Variants in SGMS1 observed in about 807,000 individuals in gnomAD.
SGMS1 encodes the protein sphingomyelin synthase 1, also known as phosphatidylcholine:ceramide cholinephosphotransferase 1.
A neutral mutation model predicts 46.2 loss-of-function variants in SGMS1; 13 were observed. The observed-to-expected ratio is 0.28, with a 90% CI of 0.18 to 0.45. The LOEUF is 0.45. Ranked by LOEUF, SGMS1 falls within the 20% of genes least tolerant of loss-of-function variation. SGMS1 has a pLI of 1.00. For synonymous variants in SGMS1, 203 were observed against 187.8 expected, an observed-to-expected ratio of 1.08 and a Z score of -0.66; for missense variants, 324 against 519.9, an observed-to-expected ratio of 0.62 and a Z score of 3.66.
chr10:50,545,898 A>C (rs1838097080), intron 2 of SGMS1, among the ~76,000 whole-genome samples: 1 of 152,206 alleles, frequency 6.6e-6, no homozygotes, highest in Non-Finnish European at 1.5e-5. Flanking sequence ...GGTCATAATA[A>C]ATGATTATAT....
At chr10:50,311,112 C>G in intron 9 of SGMS1, 150 bp downstream of exon 9, 1 of 860,292 alleles carries the variant, frequency 1.2e-6, no homozygotes, top group Non-Finnish European at 1.8e-6. Context: ...CCCTGGGTGC[C>G]AGTTGCATGG....
chr10:50,567,130 A>G (rs1328656741), intron 2 of SGMS1, among the ~76,000 whole-genome samples: 1 of 152,170 alleles, frequency 6.6e-6, no homozygotes, highest in African/African-American at 2.4e-5. Flanking sequence ...TATTTTTACT[A>G]GAGACGGGGT....
chr10:50,382,558 AACACACACATACACACAC>A (rs1469131174), intron 6 of SGMS1, among the ~76,000 whole-genome samples: 5 of 69,238 alleles, frequency 7.2e-5, no homozygotes, highest in Non-Finnish European at 1.4e-4. Flanking sequence ...CACACACACA[AACACACACATACACACAC>A]ACACACACAC....
At chr10:50,545,792 G>A (rs1280631805) in intron 2 of SGMS1, among the ~76,000 whole-genome samples, 1 of 152,042 alleles carries the variant, frequency 6.6e-6, no homozygotes, top group Non-Finnish European at 1.5e-5. Context: ...AGAGTGACTC[G>A]GCAAGAGAGG....
At chr10:50,357,021 A>G (rs773117456) in intron 6 of SGMS1, among the ~76,000 whole-genome samples, 1 of 152,022 alleles carries the variant, frequency 6.6e-6, no homozygotes, top group African/African-American at 2.4e-5. Flanking sequence ...ACATGTATAC[A>G]TATGTAACAA....
At chr10:50,314,573 C>A (rs1847309024) in intron 8 of SGMS1, among the ~76,000 whole-genome samples, 1 of 152,118 alleles carries the variant, frequency 6.6e-6, no homozygotes, top group Admixed American at 6.5e-5. Context: ...TAGGAGTCTA[C>A]CTCAAAGAAA....
At chr10:50,317,292 T>A (rs1847355788) in intron 8 of SGMS1, among the ~76,000 whole-genome samples, 1 of 152,238 alleles carries the variant, frequency 6.6e-6, no homozygotes, top group South Asian at 2.1e-4. Flanking sequence ...AGTAAAAACA[T>A]GACTTACAGG....
intron 1 of SGMS1, among the ~76,000 whole-genome samples, chr10:50,620,214 G>A (rs1838836438): frequency 6.6e-6 from 1 of 152,196 alleles, no homozygotes; most frequent in South Asian, 2.1e-4. Flanking sequence ...ATCCAAGTGG[G>A]CTGATCCAAA....
intron 6 of SGMS1, among the ~76,000 whole-genome samples, chr10:50,380,145 C>T (rs1848580160): frequency 6.6e-6 from 1 of 152,096 alleles, no homozygotes; most frequent in Non-Finnish European, 1.5e-5. Flanking sequence ...CTCTGGGAGG[C>T]TGAGGTGGGC....
intron 6 of SGMS1, among the ~76,000 whole-genome samples, chr10:50,409,510 A>T (rs1414930633): frequency 2.0e-5 from 3 of 152,200 alleles, no homozygotes; most frequent in Non-Finnish European, 2.9e-5. Flanking sequence ...GTACCCTGGC[A>T]CTACTGAAAC....
At chr10:50,353,533 C>T (rs1375709802) in intron 6 of SGMS1, among the ~76,000 whole-genome samples, 3 of 152,392 alleles carry the variant, frequency 2.0e-5, no homozygotes, top group Admixed American at 6.5e-5. Flanking sequence ...TGGCACAAGA[C>T]AGGGATGTCC....
At chr10:50,403,285 T>G (rs919219964) in intron 6 of SGMS1, among the ~76,000 whole-genome samples, 10 of 152,254 alleles carry the variant, frequency 6.6e-5, no homozygotes, top group Admixed American at 6.5e-4. Flanking sequence ...AAGTACACGG[T>G]TCGCATGTTC....
At chr10:50,350,423 C>T (rs886690255) in intron 6 of SGMS1, among the ~76,000 whole-genome samples, 1 of 152,164 alleles carries the variant, frequency 6.6e-6, no homozygotes, top group African/African-American at 2.4e-5. Flanking sequence ...AAGCTGGCTG[C>T]AGAAATTTTC....
At chr10:50,505,867 G>T (rs1012918089) in intron 3 of SGMS1, among the ~76,000 whole-genome samples, 8 of 152,084 alleles carry the variant, frequency 5.3e-5, no homozygotes, top group African/African-American at 1.9e-4. Flanking sequence ...CGGGGGGAGA[G>T]CATCCTCTAA....
intron 7 of SGMS1, among the ~76,000 whole-genome samples, chr10:50,338,083 T>C (rs1847746187): frequency 6.6e-6 from 1 of 152,178 alleles, no homozygotes; most frequent in Admixed American, 6.5e-5. Context: ...AAGCAGGATC[T>C]GTGGTCATCA....
chr10:50,341,249 T>C, intron 7 of SGMS1: 1 of 443,622 alleles, frequency 2.3e-6, no homozygotes, highest in Non-Finnish European at 4.6e-6. Context: ...AGGTAGTTTA[T>C]CCATCTTCAC....
intron 3 of SGMS1, among the ~76,000 whole-genome samples, chr10:50,504,161 A>G (rs1033493596): frequency 6.6e-6 from 1 of 152,222 alleles, no homozygotes; most frequent in Non-Finnish European, 1.5e-5. Context: ...CATGCAGGGT[A>G]CCTGAAACCA....
At chr10:50,345,803 T>G (rs1847904634) in intron 6 of SGMS1, among the ~76,000 whole-genome samples, 1 of 152,196 alleles carries the variant, frequency 6.6e-6, no homozygotes, top group Non-Finnish European at 1.5e-5. Flanking sequence ...CCGAAACGCT[T>G]CTGGTCCCAA....
chr10:50,331,557 A>T (rs1847624069), intron 7 of SGMS1, among the ~76,000 whole-genome samples: 1 of 152,192 alleles, frequency 6.6e-6, no homozygotes, highest in African/African-American at 2.4e-5. Context: ...GCCCAGTTAG[A>T]TTTGCTTATT....
Sources: gnomAD v4.1 joint callset for allele counts (sites outside exome capture counted in the v4.1 genomes callset) on GRCh38, gnomAD v4.1.1 for gene constraint, MANE v1.5 for transcripts, NCBI Gene and HGNC (gene_info 2026-07-23, HGNC 2026-07-21) for gene names.